The following ANKS1B variants were observed in gnomAD, a reference collection of about 807,000 sequenced individuals.
ANKS1B encodes ankyrin repeat and sterile alpha motif domain containing 1B.
ANKS1B carries 36 observed loss-of-function variants against 148.3 expected under a neutral mutation model. The observed-to-expected ratio is 0.24, with a 90% CI of 0.19 to 0.32. The LOEUF (loss-of-function observed/expected upper bound fraction) is 0.32, where lower values mean the gene tolerates loss of function less well. Among genes scored for constraint, ANKS1B ranks in the 10% least tolerant of loss-of-function variants. The probability of loss-of-function intolerance (pLI) is 1.00; values close to 1 mark genes in which losing one functional copy is unlikely to be tolerated. For synonymous variants in ANKS1B, 542 were observed against 560.8 expected (o/e 0.97, Z 0.47); for missense variants, 1,157 against 1,542.6 (o/e 0.75, Z 4.19).
chr12:98,943,696 T>A (rs2099840625), intron 17 of ANKS1B, among the ~76,000 whole-genome samples: 1 of 152,184 alleles, frequency 6.6e-6, no homozygotes, highest in African/African-American at 2.4e-5. Context: ...TAATCCAGAA[T>A]AAAAAATCTT....
intron 17 of ANKS1B, among the ~76,000 whole-genome samples, chr12:98,996,153 A>G (rs993660645): frequency 6.6e-6 from 1 of 152,130 alleles, no homozygotes; most frequent in Non-Finnish European, 1.5e-5. Context: ...ACACTAAATT[A>G]TGCTAGTTCC....
intron 1 of ANKS1B, among the ~76,000 whole-genome samples, chr12:99,938,157 T>A (rs2094827108): frequency 6.6e-6 from 1 of 152,136 alleles, no homozygotes; most frequent in South Asian, 2.1e-4. Flanking sequence ...GTCATACCCA[T>A]TTTGTTGGAG....
chr12:99,267,586 T>TTCATTCATTCATTCATTC (rs1566772319), intron 12 of ANKS1B, among the ~76,000 whole-genome samples: 1 of 93,614 alleles, frequency 1.1e-5, no homozygotes, highest in African/African-American at 6.3e-5. Context: ...TTCATTCATT[T>TTCATTCATTCATTCATTC]ATTCAATCTT....
chr12:99,657,105 T>C (rs2098453263), intron 8 of ANKS1B, among the ~76,000 whole-genome samples: 1 of 152,198 alleles, frequency 6.6e-6, no homozygotes, highest in Non-Finnish European at 1.5e-5. Flanking sequence ...GAGAACTTAC[T>C]ATGTGACTTG....
At chr12:99,814,974 T>C (rs1256560378) in intron 2 of ANKS1B, among the ~76,000 whole-genome samples, 3 of 151,700 alleles carry the variant, frequency 2.0e-5, no homozygotes, top group South Asian at 2.1e-4. Flanking sequence ...TACTACAAAA[T>C]AGACTTCTCC....
At chr12:99,277,256 G>T (rs777500151) in intron 12 of ANKS1B, among the ~76,000 whole-genome samples, 2 of 152,206 alleles carry the variant, frequency 1.3e-5, no homozygotes, top group African/African-American at 2.4e-5. Context: ...AAATGTGACT[G>T]TGTTTATTTC....
rs368778814 is a variant in ANKS1B, at chr12:99,559,176, T to C, written c.1273-54535A>G. The stretch of plus-strand genomic sequence containing the variant: ...GCTTAGAGTGTACCAGTCTTCCCAA[T>C]GTTCTTGTTTCTCAGTGAAAGATGT... On this transcript the variant is annotated intron_variant, in intron 9 of 26. Coordinates refer to ENST00000683438, the MANE Select transcript of ANKS1B (RefSeq NM_001352186.2). Among the ~76,000 whole-genome samples, 64 of 152,244 alleles carry C rather than the reference T, an allele frequency of 4.2e-4. 1 individual carries two copies. The South Asian group carries it at 0.013, about 31-fold the overall frequency.
intron 17 of ANKS1B, among the ~76,000 whole-genome samples, chr12:98,994,300 G>T (rs924282079): frequency 6.6e-5 from 10 of 152,028 alleles, no homozygotes; most frequent in Non-Finnish European, 1.2e-4. Flanking sequence ...GTTTGCTAGG[G>T]CTGCCATAAC....
chr12:98,938,515 T>C (rs2099825625), intron 17 of ANKS1B, among the ~76,000 whole-genome samples: 1 of 152,170 alleles, frequency 6.6e-6, no homozygotes, highest in South Asian at 2.1e-4. Context: ...GAACCATTGT[T>C]TCAAATGTCA....
chr12:99,317,056 T>C (rs2084252455), intron 12 of ANKS1B, among the ~76,000 whole-genome samples: 1 of 152,222 alleles, frequency 6.6e-6, no homozygotes, highest in Non-Finnish European at 1.5e-5. Context: ...TACCATGCTG[T>C]TTTGGTTACT....
chr12:99,782,184 T>C, intron 4 of ANKS1B, 87 bp from the exon 5 acceptor site: 3 of 1,052,576 alleles, frequency 2.9e-6, no homozygotes, highest in Non-Finnish European at 4.2e-6. Flanking sequence ...TTTTACATAT[T>C]CATACATATT....
chr12:98,753,564 A>G (rs2098150204), intron 25 of ANKS1B, among the ~76,000 whole-genome samples: 1 of 152,090 alleles, frequency 6.6e-6, no homozygotes, highest in Non-Finnish European at 1.5e-5. Context: ...AGTAGCTGAG[A>G]TTACAGGCAT....
chr12:99,337,707 T>C (rs2089195005), intron 12 of ANKS1B, among the ~76,000 whole-genome samples: 1 of 152,224 alleles, frequency 6.6e-6, no homozygotes, highest in African/African-American at 2.4e-5. Context: ...TGCAGCCATA[T>C]CTGCATTAGG....
chr12:98,837,012 T>C (rs544452624), intron 17 of ANKS1B, among the ~76,000 whole-genome samples: 1 of 152,246 alleles, frequency 6.6e-6, no homozygotes, highest in South Asian at 2.1e-4. Context: ...AGAATGTGGC[T>C]CCAACTGCTG....
chr12:99,796,736 A>G (rs955979686), intron 4 of ANKS1B, among the ~76,000 whole-genome samples: 1 of 151,958 alleles, frequency 6.6e-6, no homozygotes, highest in African/African-American at 2.4e-5. Flanking sequence ...AAGTATTATC[A>G]ATAATATTTC....
chr12:99,636,413 T>C (rs754622472), intron 9 of ANKS1B, among the ~76,000 whole-genome samples: 9 of 152,216 alleles, frequency 5.9e-5, no homozygotes, highest in Non-Finnish European at 7.3e-5. Flanking sequence ...TTTATTAACA[T>C]TGAACTCACA....
chr12:99,393,096 T>TGATAGGTA (rs1555414097), intron 12 of ANKS1B, among the ~76,000 whole-genome samples: 48 of 150,672 alleles, frequency 3.2e-4, no homozygotes, highest in Admixed American at 3.1e-3. Flanking sequence ...GATAGACAGA[T>TGATAGGTA]GATAGATAGA....
intron 8 of ANKS1B, among the ~76,000 whole-genome samples, chr12:99,763,584 T>C (rs1180466217): frequency 6.6e-6 from 1 of 151,992 alleles, no homozygotes; most frequent in African/African-American, 2.4e-5. Context: ...ATAAATCATT[T>C]GTACACCAAA....
intron 17 of ANKS1B, among the ~76,000 whole-genome samples, chr12:98,972,985 T>G (rs1490034674): frequency 6.6e-6 from 1 of 152,216 alleles, no homozygotes; most frequent in African/African-American, 2.4e-5. Flanking sequence ...ATTACAAATA[T>G]AAGTTTAAAA....
Sources: allele counts gnomAD v4.1 joint callset (sites outside exome capture counted in the v4.1 genomes callset), GRCh38; gene constraint gnomAD v4.1.1; transcripts MANE v1.5; gene names NCBI Gene and HGNC (gene_info 2026-07-23, HGNC 2026-07-21).